STAU2: variants seen among roughly 807,000 people sequenced by gnomAD.
STAU2 encodes double-stranded RNA-binding protein Staufen homolog 2.
Under a neutral mutation model 65.9 loss-of-function variants are expected in STAU2, and 20 were observed. That is an observed-to-expected ratio of 0.30 (90% CI 0.21 to 0.44). The LOEUF is 0.44. Among genes scored for constraint, STAU2 ranks in the 20% least tolerant of loss-of-function variants. The pLI is 1.00. For synonymous variants in STAU2, 232 were observed against 233.9 expected (o/e 0.99, Z 0.07); for missense variants, 558 against 683.9 (o/e 0.82, Z 2.05).
At chr8:73,746,003 G>A (rs1807246346) in intron 1 of STAU2, among the ~76,000 whole-genome samples, 1 of 151,272 alleles carries the variant, frequency 6.6e-6, no homozygotes, top group Admixed American at 6.6e-5. Flanking sequence ...AGCGGATTCC[G>A]TAACTGAGCT....
At chr8:73,635,301 T>A (rs1238742814) in intron 6 of STAU2, among the ~76,000 whole-genome samples, 3 of 152,016 alleles carry the variant, frequency 2.0e-5, no homozygotes, top group Non-Finnish European at 1.5e-5. Flanking sequence ...TACCAAAAAG[T>A]CAATGAAACA....
intron 11 of STAU2, among the ~76,000 whole-genome samples, chr8:73,585,540 C>T (rs369652126): frequency 6.6e-6 from 1 of 152,180 alleles, no homozygotes; most frequent in East Asian, 1.9e-4. Context: ...CATCTGAGAG[C>T]TATGCCTAAC....
intron 6 of STAU2, among the ~76,000 whole-genome samples, chr8:73,647,262 T>C (rs57024488): frequency 0.21 from 31,155 of 151,270 alleles, 3,563 homozygotes; most frequent in East Asian, 0.37. Flanking sequence ...TTTATGTCCA[T>C]ACAAAACCCA....
At chr8:73,493,386 CAT>C (rs1444157652) in intron 13 of STAU2, among the ~76,000 whole-genome samples, 4 of 151,534 alleles carry the variant, frequency 2.6e-5, no homozygotes, top group Non-Finnish European at 4.4e-5. Context: ...ATTTGCAAAA[CAT>C]ATATGACAAG....
At chr8:73,571,676 A>G (rs1329598389) in intron 12 of STAU2, among the ~76,000 whole-genome samples, 1 of 152,256 alleles carries the variant, frequency 6.6e-6, no homozygotes, top group Non-Finnish European at 1.5e-5. Flanking sequence ...GAAGGCAGAA[A>G]TAAAGATGTT....
Position 73,709,026 on chromosome 8 carries a change from C to T in STAU2, c.114+6G>A, listed in dbSNP as rs1237032160. On this transcript the variant is annotated splice_donor_region_variant and intron_variant, in intron 4 of 14. Coordinates refer to ENST00000524300, the MANE Select transcript of STAU2 (RefSeq NM_001164380.2). ...TATGTCTCACCACCTCTCTTCATAA[C>T]CTTACCTTTGAATGAGCAGGCCCTC... 6.6e-7 allele frequency: 1 copy of T among 1,518,186 alleles called. No homozygotes were observed. The highest frequency in any genetic ancestry group is 8.8e-7 in the Non-Finnish European group (1 of 1,138,826). 94.0% of individuals were successfully genotyped at this position (1,518,186 alleles called of 1,614,324 possible).
At chr8:73,666,871 G>A (rs1817278035) in intron 6 of STAU2, among the ~76,000 whole-genome samples, 1 of 152,152 alleles carries the variant, frequency 6.6e-6, no homozygotes. Flanking sequence ...GAAAGCTCTA[G>A]ATGTTATACT....
chr8:73,469,998 G>T (rs1348578291), intron 13 of STAU2, among the ~76,000 whole-genome samples: 2 of 152,184 alleles, frequency 1.3e-5, no homozygotes, highest in African/African-American at 4.8e-5. Context: ...CTGGATTTAG[G>T]TCTCTCAAAA....
rs397965780 is a variant in STAU2, at chr8:73,578,994, C to CA, written c.1222+3775dup. ...TATCTCCCACCCCTACCCACCCCCC[C>CA]AAAAAAACCAAAAAAACACTAGAGG... On this transcript the variant is annotated intron_variant, in intron 12 of 14. Coordinates refer to ENST00000524300, the MANE Select transcript of STAU2 (RefSeq NM_001164380.2). 9.3e-4 allele frequency among the ~76,000 whole-genome samples: 138 copies of CA among 148,078 alleles called. 1 individual carries two copies. Among genetic ancestry groups the CA allele is most frequent in the African/African-American group, 2.9e-3 (117 of 39,892 alleles).
At chr8:73,724,140 T>C (rs1487556702) in intron 3 of STAU2, among the ~76,000 whole-genome samples, 3 of 152,202 alleles carry the variant, frequency 2.0e-5, no homozygotes, top group Non-Finnish European at 2.9e-5. Flanking sequence ...GGGGCAATTG[T>C]AGGACTCACC....
intron 6 of STAU2, among the ~76,000 whole-genome samples, chr8:73,647,311 A>G (rs1408283977): frequency 6.6e-6 from 1 of 152,250 alleles, no homozygotes; most frequent in East Asian, 1.9e-4. Context: ...GTATAGCTAA[A>G]AACTGAAGAA....
At chr8:73,567,422 A>T (rs1184549507) in intron 12 of STAU2, among the ~76,000 whole-genome samples, 1 of 152,084 alleles carries the variant, frequency 6.6e-6, no homozygotes, top group Non-Finnish European at 1.5e-5. Context: ...CAGAAGAATC[A>T]CTTGAATCCG....
intron 3 of STAU2, among the ~76,000 whole-genome samples, chr8:73,726,336 G>C (rs1231644360): frequency 1.3e-5 from 2 of 152,170 alleles, no homozygotes; most frequent in Non-Finnish European, 2.9e-5. Context: ...AGTGTACACT[G>C]CTTGGGTGAT....
chr8:73,538,439 T>G (rs1451123443), intron 13 of STAU2, among the ~76,000 whole-genome samples: 1 of 152,144 alleles, frequency 6.6e-6, no homozygotes, highest in Non-Finnish European at 1.5e-5. Context: ...TTTCTTTGCA[T>G]GCCAGAATTT....
At chr8:73,501,436 AT>A (rs1407433081) in intron 13 of STAU2, among the ~76,000 whole-genome samples, 1 of 151,884 alleles carries the variant, frequency 6.6e-6, no homozygotes, top group Non-Finnish European at 1.5e-5. Flanking sequence ...TATCTATTAC[AT>A]TTGTTGCTAT....
chr8:73,464,337 G>C (rs187682203), intron 13 of STAU2, among the ~76,000 whole-genome samples: 8 of 152,286 alleles, frequency 5.3e-5, no homozygotes, highest in African/African-American at 1.9e-4. Context: ...GCTGCTTACT[G>C]TTCTTTTAGA....
intron 13 of STAU2, among the ~76,000 whole-genome samples, chr8:73,481,641 T>A (rs1353793876): frequency 6.6e-6 from 1 of 152,120 alleles, no homozygotes; most frequent in South Asian, 2.1e-4. Flanking sequence ...GTATGTTAGT[T>A]ATATACTAAT....
intron 7 of STAU2, among the ~76,000 whole-genome samples, chr8:73,616,904 T>C (rs911694372): frequency 6.6e-6 from 1 of 152,144 alleles, no homozygotes; most frequent in Non-Finnish European, 1.5e-5. Context: ...ATGAGTGAGA[T>C]TACTTAAGAA....
At chr8:73,549,864 C>G (rs1807199267) in intron 13 of STAU2, 1 of 985,490 alleles carries the variant, frequency 1.0e-6, no homozygotes, top group Non-Finnish European at 1.2e-6. Context: ...CAAGCTGGTC[C>G]TGTAATTTCT....
Sources: gnomAD v4.1 joint callset for allele counts (sites outside exome capture counted in the v4.1 genomes callset) on GRCh38, gnomAD v4.1.1 for gene constraint, MANE v1.5 for transcripts, NCBI Gene and HGNC (gene_info 2026-07-23, HGNC 2026-07-21) for gene names.